BNC2: variants seen among roughly 807,000 people sequenced by gnomAD.
BNC2 encodes the protein basonuclin zinc finger protein 2.
In BNC2, 20 loss-of-function variants were observed where a neutral mutation model predicts 76.3. The observed-to-expected ratio is 0.26, with a 90% confidence interval of 0.18 to 0.38. The LOEUF (loss-of-function observed/expected upper bound fraction) is 0.38, where lower values mean the gene tolerates loss of function less well. Among genes scored for constraint, BNC2 ranks in the 10% least tolerant of loss-of-function variants. The pLI is 1.00. For synonymous variants in BNC2, 582 were observed against 514.8 expected (o/e 1.13, Z -1.77); for missense variants, 1,382 against 1,399.8 (o/e 0.99, Z 0.20).
chr9:16,423,878 T>C (rs768814646), intron 6 of BNC2, among the ~76,000 whole-genome samples: 12 of 152,160 alleles, frequency 7.9e-5, no homozygotes, highest in Non-Finnish European at 1.5e-4. Flanking sequence ...CAAAAGCTTG[T>C]TAAAGACCAA....
At chr9:16,672,964 C>T (rs1283598389) in intron 3 of BNC2, among the ~76,000 whole-genome samples, 1 of 152,108 alleles carries the variant, frequency 6.6e-6, no homozygotes, top group African/African-American at 2.4e-5. Flanking sequence ...CAACACGAAG[C>T]AAAAATCCTG....
intron 1 of BNC2, among the ~76,000 whole-genome samples, chr9:16,746,481 A>G (rs1313500629): frequency 6.6e-6 from 1 of 151,946 alleles, no homozygotes; most frequent in Non-Finnish European, 1.5e-5. Context: ...CTCGAGCCTC[A>G]GCCTCCAGAG....
intron 5 of BNC2, among the ~76,000 whole-genome samples, chr9:16,548,228 G>A (rs562103314): frequency 1.3e-5 from 2 of 152,014 alleles, no homozygotes; most frequent in Non-Finnish European, 2.9e-5. Flanking sequence ...ATAAAAACTT[G>A]ATTTTTAAAT....
At chr9:16,565,675 G>A (rs1300526284) in intron 4 of BNC2, among the ~76,000 whole-genome samples, 1 of 151,886 alleles carries the variant, frequency 6.6e-6, no homozygotes, top group Non-Finnish European at 1.5e-5. Flanking sequence ...AGGCATTGTG[G>A]TGCACACCTA....
intron 5 of BNC2, among the ~76,000 whole-genome samples, chr9:16,441,438 C>A (rs1399407333): frequency 6.6e-6 from 1 of 152,178 alleles, no homozygotes; most frequent in African/African-American, 2.4e-5. Context: ...GAATGGCTAG[C>A]AGTTTTACTG....
chr9:16,427,459 C>G (rs1314454319), intron 6 of BNC2, among the ~76,000 whole-genome samples: 1 of 152,232 alleles, frequency 6.6e-6, no homozygotes, highest in Non-Finnish European at 1.5e-5. Flanking sequence ...TTATTGAAGG[C>G]AATCCTTCTC....
chr9:16,778,692 C>T (rs1826036150), intron 1 of BNC2, among the ~76,000 whole-genome samples: 1 of 152,232 alleles, frequency 6.6e-6, no homozygotes. Context: ...AGCCTGAGCT[C>T]TTTCCACTGC....
chr9:16,733,267 C>A (rs1416606393), intron 2 of BNC2, among the ~76,000 whole-genome samples: 1 of 152,122 alleles, frequency 6.6e-6, no homozygotes, highest in African/African-American at 2.4e-5. Flanking sequence ...AGATAATCCA[C>A]CCAAATTTCC....
intron 5 of BNC2, among the ~76,000 whole-genome samples, chr9:16,493,262 T>C (rs1822315840): frequency 6.6e-6 from 1 of 152,116 alleles, no homozygotes; most frequent in Non-Finnish European, 1.5e-5. Flanking sequence ...TCCTGATAGG[T>C]TTTAGACTCA....
chr9:16,747,219 G>C (rs1038042457), intron 1 of BNC2, among the ~76,000 whole-genome samples: 1 of 152,128 alleles, frequency 6.6e-6, no homozygotes, highest in Admixed American at 6.6e-5. Context: ...CCCGCTTCTA[G>C]AGATTTGAGA....
chr9:16,511,420 CTTTT>C (rs758039548), intron 5 of BNC2, among the ~76,000 whole-genome samples: 1 of 69,480 alleles, frequency 1.4e-5, no homozygotes, highest in Non-Finnish European at 2.7e-5. Context: ...AATAAATTTA[CTTTT>C]TTTTTTTTTT....
chr9:16,474,676 A>G (rs1821892938), intron 5 of BNC2, among the ~76,000 whole-genome samples: 1 of 152,224 alleles, frequency 6.6e-6, no homozygotes, highest in African/African-American at 2.4e-5. Context: ...TTATCTTCAT[A>G]TAGTGTAATA....
chr9:16,720,283 A>G (rs1373442250), intron 3 of BNC2, among the ~76,000 whole-genome samples: 1 of 152,236 alleles, frequency 6.6e-6, no homozygotes, highest in Non-Finnish European at 1.5e-5. Flanking sequence ...ATTCTCTTCT[A>G]TTAAGGCAAA....
At chr9:16,691,504 C>CTTTTTTTTT (rs71327842) in intron 3 of BNC2, among the ~76,000 whole-genome samples, 28 of 113,206 alleles carry the variant, frequency 2.5e-4, no homozygotes, top group African/African-American at 7.4e-4. Context: ...GGTATGGGTT[C>CTTTTTTTTT]TTTTTTTTTT....
chr9:16,765,118 C>T (rs1173049926), intron 1 of BNC2, among the ~76,000 whole-genome samples: 1 of 152,190 alleles, frequency 6.6e-6, no homozygotes, highest in Non-Finnish European at 1.5e-5. Flanking sequence ...GTACTATCCA[C>T]ACTCTATCGT....
chr9:16,793,870 T>G lies in BNC2; in HGVS notation c.4-55385A>C, dbSNP rs1256340648. Among the ~76,000 whole-genome samples the G allele has an allele frequency of 2.1e-5, 3 of 141,370 alleles. 1 individual carries two copies. The highest frequency in any genetic ancestry group is 2.0e-4 in the East Asian group (1 of 5,018). 92.7% of individuals were successfully genotyped at this position (141,370 alleles called of 152,430 possible). ...TTTTTTGTGGTTTTTGTTTTTTTGT[T>G]TTTTTTTTTTTTTAGTAGAGACGGA... On this transcript the variant is annotated intron_variant, in intron 1 of 6. Coordinates refer to ENST00000380672, the MANE Select transcript of BNC2 (RefSeq NM_017637.6).
At chr9:16,488,237 C>T (rs1356529093) in intron 5 of BNC2, among the ~76,000 whole-genome samples, 4 of 152,086 alleles carry the variant, frequency 2.6e-5, no homozygotes, top group Admixed American at 6.6e-5. Context: ...TTCTCCCCAA[C>T]GTACTATATC....
intron 3 of BNC2, among the ~76,000 whole-genome samples, chr9:16,722,646 C>T (rs1201191196): frequency 1.3e-5 from 2 of 152,184 alleles, no homozygotes; most frequent in African/African-American, 4.8e-5. Context: ...CGATCACCTA[C>T]TGTGTTCAAA....
chr9:16,810,370 G>C lies in BNC2; in HGVS notation c.3+60276C>G, dbSNP rs1014617979. Among the ~76,000 whole-genome samples the C allele has an allele frequency of 1.3e-4, 20 of 152,210 alleles. 1 individual carries two copies. The highest frequency in any genetic ancestry group is 2.9e-5 in the Non-Finnish European group (2 of 68,044). Reference sequence around the variant, plus strand: ...TTGTCTTCAGCCTTGCAAAACCAAGGAGTCGTGAAAAGACCAGTCCTCACC... The same window carrying C: ...TTGTCTTCAGCCTTGCAAAACCAAGCAGTCGTGAAAAGACCAGTCCTCACC... On this transcript the variant is annotated intron_variant, in intron 1 of 6. Coordinates refer to ENST00000380672, the MANE Select transcript of BNC2 (RefSeq NM_017637.6).
Sources: allele counts gnomAD v4.1 joint callset (sites outside exome capture counted in the v4.1 genomes callset), GRCh38; gene constraint gnomAD v4.1.1; transcripts MANE v1.5; gene names NCBI Gene and HGNC (gene_info 2026-07-23, HGNC 2026-07-21).